PNKD: variants seen among roughly 807,000 people sequenced by gnomAD.
The protein encoded by PNKD is probable thioesterase PNKD.
In PNKD, 36 loss-of-function variants were observed where a neutral mutation model predicts 45.3. The observed-to-expected ratio is 0.80, with a 90% CI of 0.61 to 1.05. The LOEUF (loss-of-function observed/expected upper bound fraction) is 1.05. PNKD is among the 50% of genes least tolerant of loss of function. PNKD has a pLI of 0.00. For missense variants in PNKD, 511 were observed against 506.6 expected (o/e 1.01, Z -0.08); for synonymous variants, 197 against 210.1 (o/e 0.94, Z 0.54).
chr2:218,270,865 A>T lies in PNKD; in HGVS notation c.67+263A>T, dbSNP rs1402888906. 5 of 388,356 alleles carry T rather than the reference A, an allele frequency of 1.3e-5. No individual in the cohort carries two copies. The East Asian group carries it at 1.9e-4, about 15-fold the overall frequency. 24.1% of individuals were successfully genotyped at this position (388,356 alleles called of 1,614,324 possible). ...GACTCCCGCGCTCCAGGTGTTTCACACTCACCGCAGTGCAGAGGAAAGAGC... is the reference window on the plus strand; with the variant it reads ...GACTCCCGCGCTCCAGGTGTTTCACTCTCACCGCAGTGCAGAGGAAAGAGC... On this transcript the variant is annotated intron_variant, in intron 1 of 9. Transcript: ENST00000273077.
At chr2:218,324,049 T>C (rs916632333) in intron 2 of PNKD, among the ~76,000 whole-genome samples, 1 of 152,142 alleles carries the variant, frequency 6.6e-6, no homozygotes. Flanking sequence ...CTGACCCAAC[T>C]GACTCTGCCC....
chr2:218,303,326 T>C (rs1308941844), intron 2 of PNKD, among the ~76,000 whole-genome samples: 1 of 151,936 alleles, frequency 6.6e-6, no homozygotes, highest in African/African-American at 2.4e-5. Context: ...TGAGGGGGCA[T>C]TGAATTTTAT....
chr2:218,310,280 T>C (rs1454086518), intron 2 of PNKD, among the ~76,000 whole-genome samples: 2 of 152,204 alleles, frequency 1.3e-5, no homozygotes, highest in Non-Finnish European at 2.9e-5. Flanking sequence ...TGGAGTGCAG[T>C]GGTGCAATCA....
intron 2 of PNKD, among the ~76,000 whole-genome samples, chr2:218,302,777 G>A (rs1295425711): frequency 1.3e-5 from 2 of 152,226 alleles, no homozygotes; most frequent in Non-Finnish European, 2.9e-5. Context: ...AGGAGACCCT[G>A]AGAACACGTG....
At chr2:218,331,707 A>G (rs766743731) in intron 2 of PNKD, among the ~76,000 whole-genome samples, 4 of 152,082 alleles carry the variant, frequency 2.6e-5, no homozygotes, top group Non-Finnish European at 4.4e-5. Flanking sequence ...ACCTCAGGTG[A>G]TCCATCCACC....
intron 2 of PNKD, among the ~76,000 whole-genome samples, chr2:218,313,203 C>G (rs1000685652): frequency 6.6e-6 from 1 of 152,018 alleles, no homozygotes; most frequent in African/African-American, 2.4e-5. Context: ...CTCCATCTCC[C>G]AGGTTCAAGC....
At chr2:218,278,013 C>T (rs745325046) in intron 2 of PNKD, 2 of 1,612,348 alleles carry the variant, frequency 1.2e-6, no homozygotes, top group South Asian at 2.2e-5. Context: ...TGACTTGGGG[C>T]CCCTCAGGCG....
At chr2:218,278,188 C>A in intron 2 of PNKD, 1 of 619,850 alleles carries the variant, frequency 1.6e-6, no homozygotes, top group South Asian at 2.0e-5. Context: ...GCCAGAAACA[C>A]CTGGATTGGT....
At chr2:218,329,358 G>A (rs914904784) in intron 2 of PNKD, among the ~76,000 whole-genome samples, 3 of 152,230 alleles carry the variant, frequency 2.0e-5, no homozygotes, top group Non-Finnish European at 4.4e-5. Flanking sequence ...TGAGCGAGGA[G>A]AGAAGGGGAA....
Position 218,340,026 on chromosome 2 carries a change from C to T in PNKD, c.353-3C>T. The T allele has an allele frequency of 6.2e-7, 1 of 1,602,648 alleles. No homozygotes were observed. Among genetic ancestry groups the T allele is most frequent in the Non-Finnish European group, 8.5e-7 (1 of 1,169,632 alleles). On this transcript the variant is annotated splice_region_variant and splice_polypyrimidine_tract_variant and intron_variant, in intron 3 of 9. Coordinates refer to ENST00000273077, the MANE Select transcript of PNKD (RefSeq NM_015488.5). This position sits in a 1 kb window ranked among gnomAD's most constrained non-coding sequence, Gnocchi z 4.2. ...CCCGCCCACAGCCCATCTCTGTCCC[C>T]AGGAGTGAAGGTGCTTCCCATCCCT...
intron 2 of PNKD, chr2:218,272,503 T>TC: frequency 1.4e-6 from 2 of 1,456,722 alleles, no homozygotes; most frequent in South Asian, 2.3e-5. Flanking sequence ...CTAGAATGAC[T>TC]CCCCCCAGCT....
At chr2:218,307,894 A>G (rs1221772379) in intron 2 of PNKD, among the ~76,000 whole-genome samples, 1 of 152,128 alleles carries the variant, frequency 6.6e-6, no homozygotes, top group African/African-American at 2.4e-5. Flanking sequence ...GTTCAGTGAT[A>G]AGGGCTGAAC....
At chr2:218,306,566 A>G (rs765505275) in intron 2 of PNKD, among the ~76,000 whole-genome samples, 2 of 152,132 alleles carry the variant, frequency 1.3e-5, no homozygotes, top group Non-Finnish European at 2.9e-5. Context: ...AGAGAAAGAG[A>G]ATGAGGTTTG....
At chr2:218,311,063 A>G (rs934310698) in intron 2 of PNKD, among the ~76,000 whole-genome samples, 2 of 152,200 alleles carry the variant, frequency 1.3e-5, no homozygotes, top group African/African-American at 2.4e-5. Context: ...CACAACTACA[A>G]AATCACCTGA....
chr2:218,304,080 C>G (rs973320395), intron 2 of PNKD, among the ~76,000 whole-genome samples: 5 of 152,164 alleles, frequency 3.3e-5, no homozygotes, highest in African/African-American at 1.2e-4. Context: ...TCCCTCAAGG[C>G]TCACCCCAGA....
intron 2 of PNKD, among the ~76,000 whole-genome samples, chr2:218,291,233 G>C (rs1050772130): frequency 6.6e-6 from 1 of 152,154 alleles, no homozygotes; most frequent in Admixed American, 6.5e-5. Context: ...CAGAAAGACA[G>C]GGCCCCTGAC....
intron 2 of PNKD, among the ~76,000 whole-genome samples, chr2:218,329,644 C>T (rs1223377443): frequency 6.6e-6 from 1 of 152,234 alleles, no homozygotes; most frequent in Non-Finnish European, 1.5e-5. Flanking sequence ...CAGACCCTGA[C>T]CTGGGGATCT....
intron 2 of PNKD, among the ~76,000 whole-genome samples, chr2:218,312,200 A>G (rs1693634491): frequency 6.6e-6 from 1 of 152,236 alleles, no homozygotes. Context: ...TAGACACAGT[A>G]ACAATCTGAT....
rs35553031 is a variant in PNKD, at chr2:218,319,371, C to CTTTT, written c.237-20393_237-20390dup. ...CCTGGGGACTGTCTTTCTTGTTTGTCTTTTTTTTTTTTTTTTTTTTTTGAG... is the reference window on the plus strand; with the variant it reads ...CCTGGGGACTGTCTTTCTTGTTTGTCTTTTTTTTTTTTTTTTTTTTTTTTTTGAG... On this transcript the variant is annotated intron_variant, in intron 2 of 9. Transcript: ENST00000273077. 1.3e-3 allele frequency among the ~76,000 whole-genome samples: 105 copies of CTTTT among 80,192 alleles called. 1 individual carries two copies. Among genetic ancestry groups the CTTTT allele is most frequent in the Non-Finnish European group, 1.7e-3 (75 of 43,746 alleles). The allele number at this position is 80,192 out of a possible 152,430, so 52.6% of individuals were successfully genotyped here.
Sources: gnomAD v4.1 joint callset for allele counts (sites outside exome capture counted in the v4.1 genomes callset) on GRCh38, gnomAD v4.1.1 for gene constraint, Gnocchi (gnomAD v3.1) non-coding constraint, MANE v1.5 for transcripts, NCBI Gene and HGNC (gene_info 2026-07-23, HGNC 2026-07-21) for gene names.